HEMK2: variants seen among roughly 807,000 people sequenced by gnomAD.
The protein encoded by HEMK2 is methyltransferase HEMK2.
the HEMK2 span, among the ~76,000 whole-genome samples, chr21:28,738,585 G>T: frequency 1.3e-5 from 2 of 152,174 alleles, no homozygotes; most frequent in South Asian, 2.1e-4. Context: ...TGACACTTGG[G>T]TCTCCCTTTC....
At chr21:28,747,914 T>C in the HEMK2 span, among the ~76,000 whole-genome samples, 1 of 152,232 alleles carries the variant, frequency 6.6e-6, no homozygotes, top group South Asian at 2.1e-4. Flanking sequence ...GGGTATCTCT[T>C]ATGAGAACAT....
chr21:28,863,466 A>C, the HEMK2 span, among the ~76,000 whole-genome samples: 19 of 72,538 alleles, frequency 2.6e-4, no homozygotes, highest in African/African-American at 7.8e-4. Flanking sequence ...ATATATATAT[A>C]TATACTTCAT....
the HEMK2 span, among the ~76,000 whole-genome samples, chr21:28,702,253 TC>T: frequency 6.6e-6 from 1 of 151,958 alleles, no homozygotes; most frequent in Admixed American, 6.6e-5. Flanking sequence ...GAAGTACCAT[TC>T]TGGAAATAGG....
At chr21:28,815,728 A>G in the HEMK2 span, among the ~76,000 whole-genome samples, 17 of 152,316 alleles carry the variant, frequency 1.1e-4, no homozygotes, top group East Asian at 2.9e-3. Context: ...ATATTTGAGT[A>G]AAAGCAACAG....
chr21:28,744,271 AAATT>A, the HEMK2 span, among the ~76,000 whole-genome samples: 498 of 152,318 alleles, frequency 3.3e-3, 2 homozygotes, highest in African/African-American at 0.011. Context: ...AAAATAAAAT[AAATT>A]AACAATTAAA....
chr21:28,650,497 G>C, the HEMK2 span, among the ~76,000 whole-genome samples: 1 of 152,192 alleles, frequency 6.6e-6, no homozygotes, highest in Non-Finnish European at 1.5e-5. Context: ...GTCAGAGGTG[G>C]AAGCATAATG....
chr21:28,878,791 G>C, the HEMK2 span, among the ~76,000 whole-genome samples: 71,487 of 151,300 alleles, frequency 0.47, 19,736 homozygotes, highest in Non-Finnish European at 0.62. Context: ...AAAGAAGCTA[G>C]AAGGAACAGC....
At chr21:28,682,202 C>T in the HEMK2 span, among the ~76,000 whole-genome samples, 1 of 151,854 alleles carries the variant, frequency 6.6e-6, no homozygotes, top group South Asian at 2.1e-4. Flanking sequence ...AACAAATTTA[C>T]AAGAAAAAAA....
chr21:28,639,967 G>A, the HEMK2 span, among the ~76,000 whole-genome samples: 11 of 152,312 alleles, frequency 7.2e-5, no homozygotes, highest in Middle Eastern at 3.4e-3. Context: ...GAGGAGGTTG[G>A]AGGGAGAGAA....
chr21:28,876,491 T>C, the HEMK2 span: 1 of 1,598,766 alleles, frequency 6.3e-7, no homozygotes, highest in Non-Finnish European at 8.5e-7. Flanking sequence ...CAAAATTTCT[T>C]CTAAAATAAA....
the HEMK2 span, among the ~76,000 whole-genome samples, chr21:28,727,899 T>G: frequency 6.6e-6 from 1 of 152,246 alleles, no homozygotes; most frequent in Non-Finnish European, 1.5e-5. Flanking sequence ...ATTTTAAAAA[T>G]GCTTCTGTTT....
chr21:28,605,527 A>C, the HEMK2 span, among the ~76,000 whole-genome samples: 1 of 152,148 alleles, frequency 6.6e-6, no homozygotes, highest in African/African-American at 2.4e-5. Context: ...CTTTTTTTTT[A>C]ACTAAGTCAG....
the HEMK2 span, among the ~76,000 whole-genome samples, chr21:28,584,879 A>G: frequency 1.3e-5 from 2 of 152,196 alleles, no homozygotes; most frequent in African/African-American, 4.8e-5. Flanking sequence ...GTCATCTACC[A>G]TGACACAAAT....
chr21:28,863,213 G>GA, the HEMK2 span, among the ~76,000 whole-genome samples: 2 of 151,586 alleles, frequency 1.3e-5, no homozygotes, highest in Non-Finnish European at 2.9e-5. Context: ...TAAGCAGGCA[G>GA]AAAAATGTAA....
chr21:28,653,419 G>A, the HEMK2 span, among the ~76,000 whole-genome samples: 2 of 151,980 alleles, frequency 1.3e-5, no homozygotes, highest in African/African-American at 4.8e-5. Flanking sequence ...AACTAAACTG[G>A]TCCAGCTCCT....
At chr21:28,877,107 T>C in the HEMK2 span, among the ~76,000 whole-genome samples, 1 of 89,832 alleles carries the variant, frequency 1.1e-5, no homozygotes, top group Admixed American at 1.6e-4. Context: ...AAAGGACGCA[T>C]GGATGGACAG....
chr21:28,796,259 C>A, the HEMK2 span, among the ~76,000 whole-genome samples: 2 of 152,172 alleles, frequency 1.3e-5, no homozygotes, highest in African/African-American at 2.4e-5. Context: ...CTGCCTCAGC[C>A]TCCCGAGTAG....
At chr21:28,838,370 TAAA>T in the HEMK2 span, among the ~76,000 whole-genome samples, 2 of 151,116 alleles carry the variant, frequency 1.3e-5, no homozygotes, top group African/African-American at 4.9e-5. Context: ...CCGTCTCTAC[TAAA>T]AATACAAAAA....
At chr21:28,774,529 A>T in the HEMK2 span, among the ~76,000 whole-genome samples, 10 of 152,152 alleles carry the variant, frequency 6.6e-5, no homozygotes, top group Non-Finnish European at 1.5e-4. Flanking sequence ...TCGAGGTTAC[A>T]ATGTGCTATG....
Sources: gnomAD v4.1 joint callset for allele counts (sites outside exome capture counted in the v4.1 genomes callset) on GRCh38, gnomAD v4.1.1 for gene constraint, MANE v1.5 for transcripts, NCBI Gene and HGNC (gene_info 2026-07-23, HGNC 2026-07-21) for gene names.